Variants in PINLYP observed in about 807,000 individuals in gnomAD.
The protein encoded by PINLYP is phospholipase A2 inhibitor and LY6/PLAUR domain containing.
Under a neutral mutation model 15.8 loss-of-function variants are expected in PINLYP, and 12 were observed. That is an observed-to-expected ratio of 0.76 (90% CI 0.49 to 1.23). The LOEUF (loss-of-function observed/expected upper bound fraction) is 1.23. Among genes scored for constraint, PINLYP ranks in the 50% most tolerant of loss-of-function variants. The probability of loss-of-function intolerance (pLI) is 0.00; values close to 1 mark genes in which losing one functional copy is unlikely to be tolerated. For missense variants in PINLYP, 278 were observed against 264.2 expected, an observed-to-expected ratio of 1.05 and a Z score of -0.36; for synonymous variants, 93 against 97.7, an observed-to-expected ratio of 0.95 and a Z score of 0.28.
exon 3 of PINLYP, chr19:43,578,697 G>T (rs1248446733): frequency 6.5e-7 from 1 of 1,535,654 alleles, no homozygotes. Flanking sequence ...GGTCGGGAAG[G>T]CTACTTCAAG....
At chr19:43,577,377 G>C in intron 2 of PINLYP, 116 bp downstream of exon 2, 1 of 1,101,026 alleles carries the variant, frequency 9.1e-7, no homozygotes, top group African/African-American at 1.6e-5. Flanking sequence ...CAAGGTGAAC[G>C]GGGAGGCATT....
Position 43,581,707 on chromosome 19 carries a change from A to G in PINLYP, c.481+4A>G. The G allele has an allele frequency of 3.3e-6, 5 of 1,536,164 alleles. No homozygotes were observed. Among genetic ancestry groups the G allele is most frequent in the Non-Finnish European group, 4.4e-6 (5 of 1,146,886 alleles). On this transcript the variant is annotated splice_donor_region_variant and intron_variant, in intron 5 of 5. Transcript: ENST00000599207. ...TTATCTGGACACGTGCAGGCTGGTG[A>G]GTGGTGCCTGAATCTCTGGAAAAGG...
At chr19:43,577,405 TGGAAGA>T in intron 2 of PINLYP, 144 bp downstream of exon 2, 1 of 903,912 alleles carries the variant, frequency 1.1e-6, no homozygotes, top group Non-Finnish European at 1.6e-6. Context: ...TTCAGATTCA[TGGAAGA>T]GGCCAAGGGT....
intron 5 of PINLYP, 51 bp from the exon 6 acceptor site, chr19:43,581,817 G>A (rs1026865550): frequency 1.3e-6 from 2 of 1,535,374 alleles, no homozygotes; most frequent in African/African-American, 2.7e-5. Context: ...CTGGGATTAT[G>A]AGGAAGAAGG....
intron 5 of PINLYP, 38 bp from the exon 6 acceptor site, chr19:43,581,830 C>G: frequency 6.5e-7 from 1 of 1,536,044 alleles, no homozygotes; most frequent in Non-Finnish European, 8.7e-7. Context: ...GAAGAAGGGG[C>G]TGAGGTCCCT....
intron 3 of PINLYP, chr19:43,580,506 C>CG: frequency 1.2e-6 from 1 of 851,272 alleles, no homozygotes; most frequent in Non-Finnish European, 1.4e-6. Flanking sequence ...ACGGGGTGGG[C>CG]GGGGGTTGGC....
At chr19:43,581,742 T>C in intron 5 of PINLYP, 39 bp downstream of exon 5, 1 of 1,535,632 alleles carries the variant, frequency 6.5e-7, no homozygotes, top group South Asian at 1.2e-5. Flanking sequence ...GAAACAGAAC[T>C]AGAGGTCCAA....
chr19:43,579,023 TA>T (rs1431701052), intron 3 of PINLYP: 1 of 275,996 alleles, frequency 3.6e-6, no homozygotes, highest in Non-Finnish European at 7.1e-6. Context: ...GGCAGAGAAA[TA>T]GTGAGAGGGG....
chr19:43,576,394 ATC>A lies in PINLYP; in HGVS notation c.-599_-598del, dbSNP rs894181204. ...GCGCACGCGCGAAAAAAATTAGCAG[ATC>A]TCTTTCAGCCTTATGCCTGAGGCCA... is the stretch of plus-strand genomic sequence containing the variant. On this transcript the variant is annotated 5_prime_UTR_variant, in exon 1 of 6. It removes the in-frame stop codon of an upstream open reading frame in the 5' UTR. Transcript: ENST00000599207. Among the ~76,000 whole-genome samples, 5 of 151,716 alleles carry A rather than the reference ATC, an allele frequency of 3.3e-5. No homozygotes were observed. Among genetic ancestry groups the A allele is most frequent in the African/African-American group, 1.2e-4 (5 of 41,266 alleles).
intron 3 of PINLYP, chr19:43,580,740 C>T (rs1972920369): frequency 2.1e-6 from 2 of 933,442 alleles, no homozygotes; most frequent in African/African-American, 1.8e-5. Context: ...GGGAGGGCTA[C>T]CTAAGAAAGC....
rs993700893 is a variant in PINLYP, at chr19:43,577,335, T to C, written c.70+74T>C. 3.6e-6 allele frequency: 5 copies of C among 1,407,540 alleles called. No individual in the cohort carries two copies. The Admixed American group carries it at 7.6e-5, about 21-fold the overall frequency. The allele number at this position is 1,407,540 out of a possible 1,614,324, so 87.2% of individuals were successfully genotyped here. A position where few individuals can be genotyped will look rare whatever the true frequency, so the allele number is the denominator to read the frequency against. ...GGTCCCAGATTGAGAGAGAGAGAGA[T>C]ATAGAGAGAGAAAGAGCCTTCAGCA... On this transcript the variant is annotated intron_variant, in intron 2 of 5. Transcript: ENST00000599207.
intron 3 of PINLYP, chr19:43,580,433 C>T: frequency 1.4e-6 from 1 of 717,098 alleles, no homozygotes; most frequent in Non-Finnish European, 1.7e-6. Flanking sequence ...TGAGGAGTGA[C>T]CATGGCAGGA....
chr19:43,581,502 G>A (rs1972931706), intron 4 of PINLYP, 61 bp from the exon 5 acceptor site: 1 of 1,509,856 alleles, frequency 6.6e-7, no homozygotes, highest in Admixed American at 2.1e-5. Context: ...CGGGGTTGTT[G>A]GGAGGTTGGG....
At chr19:43,579,530 A>AGCTACCGTGCCTG (rs1301513987) in intron 3 of PINLYP, among the ~76,000 whole-genome samples, 3 of 150,906 alleles carry the variant, frequency 2.0e-5, no homozygotes, top group Admixed American at 2.0e-4. Flanking sequence ...TACAGGCATG[A>AGCTACCGTGCCTG]GCTACCGTGC....
intron 3 of PINLYP, among the ~76,000 whole-genome samples, chr19:43,579,845 C>T (rs1437618255): frequency 6.6e-6 from 1 of 151,696 alleles, no homozygotes; most frequent in African/African-American, 2.4e-5. Flanking sequence ...GAGGCTGCAG[C>T]GAGCTAAGTG....
chr19:43,578,495 C>G, intron 2 of PINLYP, 95 bp from the exon 3 acceptor site: 1 of 818,550 alleles, frequency 1.2e-6, no homozygotes, highest in Non-Finnish European at 1.9e-6. Context: ...GCTGCTGGTC[C>G]CTCCTCTCTC....
intron 3 of PINLYP, chr19:43,580,495 T>G: frequency 1.0e-6 from 1 of 979,048 alleles, no homozygotes; most frequent in South Asian, 4.7e-5. Flanking sequence ...TGGAAGAGAC[T>G]ACGGGGTGGG....
At chr19:43,578,566 C>G (rs1410500464) in intron 2 of PINLYP, 24 bp from the exon 3 acceptor site, 2 of 1,516,050 alleles carry the variant, frequency 1.3e-6, no homozygotes, top group East Asian at 2.5e-5. Context: ...ATGACTACAG[C>G]CTCGCCCTCT....
rs376910085 is a variant in PINLYP at position 43,577,187 on chromosome 19, A to C, written c.-5A>C. 56 of 1,536,000 alleles carry C rather than the reference A, an allele frequency of 3.6e-5. No homozygotes were observed. The East Asian group carries it at 3.7e-4, about 10-fold the overall frequency. ...TGGGGACCAGGTACTGCTGATACAC[A>C]CACCATGAGGCTCTCCAGGAGACCA... On this transcript the variant is annotated 5_prime_UTR_variant, in exon 2 of 6. Transcript: ENST00000599207.
Sources: gnomAD v4.1 joint callset for allele counts (sites outside exome capture counted in the v4.1 genomes callset) on GRCh38, gnomAD v4.1.1 for gene constraint, MANE v1.5 for transcripts, NCBI Gene and HGNC (gene_info 2026-07-23, HGNC 2026-07-21) for gene names.